Variants in FHOD3 observed in about 807,000 individuals in gnomAD.
The protein encoded by FHOD3 is FH1/FH2 domain-containing protein 3.
In FHOD3, 90 loss-of-function variants were observed where a neutral mutation model predicts 173.0. That is an observed-to-expected ratio of 0.52 (90% CI 0.44 to 0.62). FHOD3 has a LOEUF of 0.62. FHOD3 is among the 20% of genes least tolerant of loss of function. The pLI is 0.00. For missense variants in FHOD3, 1,945 were observed against 2,034.7 expected (o/e 0.96, Z 0.85); for synonymous variants, 828 against 823.0 (o/e 1.01, Z -0.10).
At chr18:36,763,863 T>A (rs552751762) in intron 27 of FHOD3, among the ~76,000 whole-genome samples, 92 of 152,284 alleles carry the variant, frequency 6.0e-4, no homozygotes, top group African/African-American at 1.9e-3. Flanking sequence ...TATTTGCATA[T>A]GTTATTATTA....
chr18:36,335,671 C>T (rs1347701442), intron 1 of FHOD3, among the ~76,000 whole-genome samples: 1 of 152,130 alleles, frequency 6.6e-6, no homozygotes, highest in African/African-American at 2.4e-5. Context: ...TAGACCTGTC[C>T]AGCATTCCCC....
Position 36,735,009 on chromosome 18 carries a change from C to T in FHOD3, c.3576+4205C>T, listed in dbSNP as rs561944385. Reference sequence around the variant, plus strand: ...TTAAACCAGAAAATCATTTTGCAGCCATCTCTAAGTAGCATTAATGATATT... The same window carrying T: ...TTAAACCAGAAAATCATTTTGCAGCTATCTCTAAGTAGCATTAATGATATT... On this transcript the variant is annotated intron_variant, in intron 20 of 28. Coordinates refer to ENST00000590592, the MANE Select transcript of FHOD3 (RefSeq NM_001281740.3). Among the ~76,000 whole-genome samples, 138 of 152,252 alleles carry T rather than the reference C, an allele frequency of 9.1e-4. 1 individual carries two copies. Among genetic ancestry groups the T allele is most frequent in the African/African-American group, 3.2e-3 (133 of 41,552 alleles).
intron 3 of FHOD3, among the ~76,000 whole-genome samples, chr18:36,420,959 C>A (rs1033934841): frequency 4.6e-5 from 7 of 152,184 alleles, no homozygotes; most frequent in African/African-American, 1.7e-4. Flanking sequence ...ATCACTGTCT[C>A]TTTCACCCCC....
chr18:36,563,221 A>T (rs73429664), intron 5 of FHOD3, among the ~76,000 whole-genome samples: 2,034 of 152,358 alleles, frequency 0.013, 44 homozygotes, highest in African/African-American at 0.046. Flanking sequence ...CATAACATCC[A>T]AAAACCTATT....
At chr18:36,656,709 T>C (rs2036449924) in intron 13 of FHOD3, among the ~76,000 whole-genome samples, 1 of 152,224 alleles carries the variant, frequency 6.6e-6, no homozygotes, top group African/African-American at 2.4e-5. Context: ...GTGTATATTA[T>C]ATCCTGATGT....
intron 5 of FHOD3, among the ~76,000 whole-genome samples, chr18:36,523,023 G>A (rs2056347855): frequency 1.3e-5 from 2 of 152,152 alleles, no homozygotes; most frequent in Admixed American, 1.3e-4. Context: ...TCACATGGGA[G>A]TTTGGCCTGA....
At chr18:36,422,434 T>G (rs1568250713) in intron 3 of FHOD3, among the ~76,000 whole-genome samples, 1 of 152,252 alleles carries the variant, frequency 6.6e-6, no homozygotes, top group Non-Finnish European at 1.5e-5. Flanking sequence ...TAAACAATGC[T>G]GCAGTGAATA....
chr18:36,591,887 C>T (rs1020285637), intron 6 of FHOD3, among the ~76,000 whole-genome samples: 1 of 152,110 alleles, frequency 6.6e-6, no homozygotes, highest in African/African-American at 2.4e-5. Flanking sequence ...TACACCACCA[C>T]ACTCCAGCCT....
chr18:36,728,520 T>A (rs918524617), intron 19 of FHOD3, among the ~76,000 whole-genome samples: 4 of 151,788 alleles, frequency 2.6e-5, no homozygotes, highest in Non-Finnish European at 4.4e-5. Flanking sequence ...CTGACAACTC[T>A]ACCCACAGGA....
chr18:36,502,240 G>GTT (rs5824024), intron 4 of FHOD3, among the ~76,000 whole-genome samples: 21 of 146,238 alleles, frequency 1.4e-4, no homozygotes, highest in African/African-American at 4.8e-4. Flanking sequence ...TTTACTTCTA[G>GTT]TTTTTTTTTT....
intron 5 of FHOD3, among the ~76,000 whole-genome samples, chr18:36,571,100 T>C (rs531632031): frequency 3.9e-5 from 6 of 152,152 alleles, no homozygotes; most frequent in Non-Finnish European, 7.4e-5. Context: ...TTATTGTCTA[T>C]GTACAAAATT....
intron 3 of FHOD3, among the ~76,000 whole-genome samples, chr18:36,468,247 C>T (rs1345395643): frequency 6.6e-6 from 1 of 152,138 alleles, no homozygotes; most frequent in Non-Finnish European, 1.5e-5. Context: ...GTGCCGAAGC[C>T]ATAGGGATAA....
chr18:36,414,636 G>A (rs1237114001), intron 3 of FHOD3, among the ~76,000 whole-genome samples: 1 of 152,174 alleles, frequency 6.6e-6, no homozygotes, highest in African/African-American at 2.4e-5. Context: ...ATGATCCCGT[G>A]GCCCCTGGTG....
chr18:36,399,317 C>T lies in FHOD3; in HGVS notation c.337+26573C>T, dbSNP rs777056732. Reference sequence around the variant, plus strand: ...TGACTCATTATTTCAGCTCTGAACACGGCCATGCAAGGCCTTGCCCTTCCC... The same window carrying T: ...TGACTCATTATTTCAGCTCTGAACATGGCCATGCAAGGCCTTGCCCTTCCC... On this transcript the variant is annotated intron_variant, in intron 3 of 28. Transcript: ENST00000590592. Among the ~76,000 whole-genome samples the T allele has an allele frequency of 6.6e-5, 10 of 152,210 alleles. No homozygotes were observed. In the South Asian group the frequency reaches 1.2e-3, roughly 19 times the overall value.
At chr18:36,504,824 C>T (rs988009361) in intron 4 of FHOD3, among the ~76,000 whole-genome samples, 3 of 152,248 alleles carry the variant, frequency 2.0e-5, no homozygotes, top group Non-Finnish European at 2.9e-5. Flanking sequence ...TTGAGCATCC[C>T]TAATTTGAAA....
At chr18:36,386,192 G>A (rs2048025327) in intron 3 of FHOD3, among the ~76,000 whole-genome samples, 1 of 152,162 alleles carries the variant, frequency 6.6e-6, no homozygotes, top group South Asian at 2.1e-4. Context: ...TTTCTCAGAT[G>A]ACCCAGTATC....
chr18:36,683,222 T>C (rs1464205230), intron 15 of FHOD3, among the ~76,000 whole-genome samples: 2 of 152,254 alleles, frequency 1.3e-5, no homozygotes, highest in African/African-American at 2.4e-5. Flanking sequence ...TGGAACAGGT[T>C]AAATGCTTCC....
At chr18:36,426,079 T>C (rs1164919365) in intron 3 of FHOD3, among the ~76,000 whole-genome samples, 1 of 149,092 alleles carries the variant, frequency 6.7e-6, no homozygotes, top group African/African-American at 2.5e-5. Context: ...TAATTTTTTG[T>C]ATTTTTAGTG....
rs550716591 is a variant in FHOD3 at position 36,399,951 on chromosome 18, A to G, written c.337+27207A>G. 2.0e-5 allele frequency among the ~76,000 whole-genome samples: 3 copies of G among 152,294 alleles called. No homozygotes were observed. The South Asian group carries it at 6.2e-4, about 32-fold the overall frequency. The stretch of plus-strand genomic sequence containing the variant: ...CAGAATTTGACTTTGCTCCTTCTGA[A>G]TCATAGAGTTCCTTCATTCACTGGG... On this transcript the variant is annotated intron_variant, in intron 3 of 28. Coordinates refer to ENST00000590592, the MANE Select transcript of FHOD3 (RefSeq NM_001281740.3).
Sources: allele counts gnomAD v4.1 joint callset (sites outside exome capture counted in the v4.1 genomes callset), GRCh38; gene constraint gnomAD v4.1.1; transcripts MANE v1.5; gene names NCBI Gene and HGNC (gene_info 2026-07-23, HGNC 2026-07-21).